Variants in SPACA6 observed in about 807,000 individuals in gnomAD.
The protein encoded by SPACA6 is sperm acrosome membrane-associated protein 6.
For synonymous variants in SPACA6, 6 were observed against 1.5 expected (o/e 4.05, Z -2.21); for missense variants, 8 against 2.8 (o/e 2.88, Z -1.34).
At chr19:51,704,758 AT>A (rs2083502685) in intron 8 of SPACA6, 1 of 366,216 alleles carries the variant, frequency 2.7e-6, no homozygotes, top group Non-Finnish European at 4.7e-6. Context: ...CAGACCCAGG[AT>A]TCCAGGCCCC....
downstream of SPACA6, among the ~76,000 whole-genome samples, chr19:51,706,728 C>T (rs1045116627): frequency 3.0e-4 from 45 of 151,630 alleles, no homozygotes; most frequent in African/African-American, 3.4e-4. Flanking sequence ...GGTGCGATGT[C>T]GGCTCACTGC....
At chr19:51,686,170 A>C (rs1003593438), upstream of SPACA6, 5 of 152,180 alleles carry the variant, frequency 3.3e-5, no homozygotes, top group African/African-American at 1.2e-4. Flanking sequence ...CAGAGGCCTT[A>C]TGTTTCAGAA....
downstream of SPACA6, among the ~76,000 whole-genome samples, chr19:51,705,806 T>G (rs2083513281): frequency 6.6e-6 from 1 of 151,910 alleles, no homozygotes; most frequent in Non-Finnish European, 1.5e-5. Context: ...AAGCGATTCT[T>G]CTGCCTCAGC....
At chr19:51,705,335 C>G, downstream of SPACA6, 1 of 377,058 alleles carries the variant, frequency 2.7e-6, no homozygotes, top group East Asian at 3.8e-5. Context: ...AACCCAGATA[C>G]CCCCTCAGGT....
the SPACA6 span, among the ~76,000 whole-genome samples, chr19:51,683,060 A>T: frequency 6.6e-6 from 1 of 152,140 alleles, no homozygotes; most frequent in Non-Finnish European, 1.5e-5. Context: ...ACAAGCAAAA[A>T]CAGAAATGTA....
chr19:51,704,117 C>T lies in SPACA6; in HGVS notation c.661C>T (p.Arg221Cys). The change falls in exon 7 of 9, where the codon CGC (arginine) becomes TGC (cysteine). Residue 221 changes from arginine to cysteine, a missense_variant. By Grantham distance (180) the Arg-to-Cys change is radical. Transcript: ENST00000637797. ...GATCCGGCCGGCTCAGCTCACGCAC[C>T]GCGGGACGTTCTCCTGCGTGATCAA... ...ARIRPAQLTH[R>C]GTFSCVIKQD... 2 of 401,188 alleles carry T rather than the reference C, an allele frequency of 5.0e-6. No individual in the cohort carries two copies. The highest frequency in any genetic ancestry group is 8.8e-6 in the Non-Finnish European group (2 of 226,216). The allele number at this position is 401,188 out of a possible 1,614,324, so 24.9% of individuals were successfully genotyped here. A position where few individuals can be genotyped will look rare whatever the true frequency, so the allele number is the denominator to read the frequency against.
upstream of SPACA6, chr19:51,693,271 C>A: frequency 1.4e-6 from 1 of 730,074 alleles, no homozygotes; most frequent in East Asian, 2.6e-5. Flanking sequence ...CTCTAGGTCC[C>A]TGAGACCCTT....
At chr19:51,712,581 A>C (rs2083547700), downstream of SPACA6, among the ~76,000 whole-genome samples, 3 of 152,156 alleles carry the variant, frequency 2.0e-5, no homozygotes, top group African/African-American at 7.2e-5. Context: ...GACAAAGAGG[A>C]CATAGGGTCT....
At chr19:51,688,937 G>A (rs62106944), upstream of SPACA6, among the ~76,000 whole-genome samples, 29 of 147,358 alleles carry the variant, frequency 2.0e-4, no homozygotes, top group Admixed American at 4.0e-4. Flanking sequence ...GAGAAGGGAG[G>A]GAGGGAGAGA....
downstream of SPACA6, among the ~76,000 whole-genome samples, chr19:51,706,182 C>T (rs987352716): frequency 6.6e-6 from 1 of 152,078 alleles, no homozygotes; most frequent in South Asian, 2.1e-4. Flanking sequence ...ATCTTGCCAC[C>T]CTGCGGTTTT....
At chr19:51,702,737 G>A (rs944600129) in intron 4 of SPACA6, 85 bp downstream of exon 4, 1 of 398,990 alleles carries the variant, frequency 2.5e-6, no homozygotes, top group African/African-American at 2.1e-5. Context: ...GTGGGAAAGC[G>A]GGTGGGCTTC....
At chr19:51,697,443 G>T (rs1428859161) in intron 2 of SPACA6, among the ~76,000 whole-genome samples, 1 of 152,134 alleles carries the variant, frequency 6.6e-6, no homozygotes, top group Admixed American at 6.5e-5. Flanking sequence ...GGCTGTGTTT[G>T]CCATACACAG....
At chr19:51,706,634 C>T (rs2083516937), downstream of SPACA6, among the ~76,000 whole-genome samples, 3 of 152,122 alleles carry the variant, frequency 2.0e-5, no homozygotes, top group Admixed American at 2.0e-4. Flanking sequence ...CCAATTTCAC[C>T]TTGTTCACTG....
rs2083485395 is a variant in SPACA6 at position 51,703,358 on chromosome 19, C to T, written c.573+21C>T. 2 of 399,038 alleles carry T rather than the reference C, an allele frequency of 5.0e-6. No individual in the cohort carries two copies. The highest frequency in any genetic ancestry group is 8.8e-6 in the Non-Finnish European group (2 of 226,006). 24.7% of individuals were successfully genotyped at this position (399,038 alleles called of 1,614,324 possible). Reference sequence around the variant, plus strand: ...GAGGTGTGAGTCGGGGCGGGGCCGGCGCGAAGAGTTTAGACGGGCGAGTTA... The same window carrying T: ...GAGGTGTGAGTCGGGGCGGGGCCGGTGCGAAGAGTTTAGACGGGCGAGTTA... On this transcript the variant is annotated intron_variant, in intron 6 of 8. Coordinates refer to ENST00000637797, the MANE Select transcript of SPACA6 (RefSeq NM_001316972.2). The surrounding 1 kb of genome is among the most constrained non-coding windows in gnomAD (Gnocchi z 4.2).
At position 51,702,644 on chromosome 19, in the gene SPACA6, C is replaced by T; in HGVS notation, c.377C>T (p.Pro126Leu). 1 of 399,248 alleles carries T rather than the reference C, an allele frequency of 2.5e-6. No homozygotes were observed. The highest frequency in any genetic ancestry group is 4.4e-6 in the Non-Finnish European group (1 of 226,202). The allele number at this position is 399,248 out of a possible 1,614,324, so 24.7% of individuals were successfully genotyped here. Residue 126 changes from proline to leucine, a missense_variant, in exon 4 of 9, where the codon CCT becomes CTT. Pro to Leu is a moderately conservative substitution (Grantham distance 98). Transcript: ENST00000637797. ...TCCTCCACAGCCCAGGCTTGCATCCCTCCCTGCGGTAAGGACTTCATCTAA... is the reference window on the plus strand; with the variant it reads ...TCCTCCACAGCCCAGGCTTGCATCCTTCCCTGCGGTAAGGACTTCATCTAA... Reference protein sequence around the residue: ...TQLKEAQACIPPCGLQEFARR... With the variant: ...TQLKEAQACILPCGLQEFARR...
At chr19:51,695,334 C>A (rs1435287047) in intron 2 of SPACA6, among the ~76,000 whole-genome samples, 1 of 152,170 alleles carries the variant, frequency 6.6e-6, no homozygotes, top group East Asian at 1.9e-4. Context: ...TGGCCATGAT[C>A]CCCACGAGGT....
upstream of SPACA6, among the ~76,000 whole-genome samples, chr19:51,691,933 G>T (rs2122186913): frequency 6.6e-6 from 1 of 152,248 alleles, no homozygotes; most frequent in East Asian, 1.9e-4. Context: ...CCTCTCTGAG[G>T]CTCAGCCCCC....
chr19:51,695,750 G>A (rs536367648), intron 2 of SPACA6, among the ~76,000 whole-genome samples: 4 of 152,350 alleles, frequency 2.6e-5, no homozygotes, highest in Admixed American at 1.3e-4. Flanking sequence ...CTGTGGGGCC[G>A]CATGGGGGAC....
chr19:51,708,474 G>A (rs1036613697), downstream of SPACA6, among the ~76,000 whole-genome samples: 5 of 152,172 alleles, frequency 3.3e-5, no homozygotes, highest in Admixed American at 6.5e-5. Context: ...AGAAAGTGAC[G>A]TTTGAATAAA....
Sources: gnomAD v4.1 joint callset for allele counts (sites outside exome capture counted in the v4.1 genomes callset) on GRCh38, gnomAD v4.1.1 for gene constraint, Gnocchi (gnomAD v3.1) non-coding constraint, MANE v1.5 for transcripts, NCBI Gene and HGNC (gene_info 2026-07-23, HGNC 2026-07-21) for gene names.